Variants in UGGT1 observed in about 807,000 individuals in gnomAD.
UGGT1 encodes UDP-glucose:glycoprotein glucosyltransferase 1.
In UGGT1, 107 loss-of-function variants were observed where a neutral mutation model predicts 203.9. The ratio of observed to expected loss-of-function variants is 0.52; its 90% CI spans 0.45 to 0.62. The LOEUF (loss-of-function observed/expected upper bound fraction) is 0.62, where lower values mean the gene tolerates loss of function less well. Ranked by LOEUF, UGGT1 falls within the 20% of genes least tolerant of loss-of-function variation. UGGT1 has a pLI of 0.00. For missense variants in UGGT1, 1,673 were observed against 1,867.2 expected, an observed-to-expected ratio of 0.90 and a Z score of 1.92; for synonymous variants, 628 against 653.5, an observed-to-expected ratio of 0.96 and a Z score of 0.59.
chr2:128,091,936 C>G (rs949784076), intron 1 of UGGT1, among the ~76,000 whole-genome samples: 1 of 152,180 alleles, frequency 6.6e-6, no homozygotes, highest in Non-Finnish European at 1.5e-5. Context: ...GATCTGCGTC[C>G]GTCGCCAATA....
At chr2:128,133,858 G>A (rs1295637107) in intron 14 of UGGT1, among the ~76,000 whole-genome samples, 1 of 151,496 alleles carries the variant, frequency 6.6e-6, no homozygotes, top group Non-Finnish European at 1.5e-5. Context: ...ATTCCTTCTT[G>A]CACTGCTTTA....
At chr2:128,122,273 C>G (rs890802489) in intron 10 of UGGT1, among the ~76,000 whole-genome samples, 23 of 151,934 alleles carry the variant, frequency 1.5e-4, no homozygotes, top group African/African-American at 4.8e-4. Flanking sequence ...TGGCTCACAC[C>G]TGTAATACCA....
chr2:128,189,653 A>T lies in UGGT1; in HGVS notation c.4643-64A>T, dbSNP rs1297569603. ...TAGGTTCCAGTGATGAAAAATGCCC[A>T]CTCAGTGGTGTTTGTAATTTGAAGA... On this transcript the variant is annotated intron_variant, in intron 40 of 40. Transcript: ENST00000259253. 3 of 1,554,068 alleles carry T rather than the reference A, an allele frequency of 1.9e-6. No homozygotes were observed. The East Asian group carries it at 6.8e-5, about 35-fold the overall frequency.
chr2:128,159,439 A>G (rs1329448877), intron 22 of UGGT1, 75 bp from the exon 23 acceptor site: 33 of 1,333,234 alleles, frequency 2.5e-5, no homozygotes, highest in Non-Finnish European at 3.5e-5. Context: ...CTTATTGAAC[A>G]TGACTGATGT....
In UGGT1 at chr2:128,164,808, T is replaced by C; in HGVS notation, c.2904T>C (p.Phe968=). The part of the protein sequence containing the change: ...PKGDPRIEYQ[F]FEDRHSAIKL... ...GAGATCCAAGAATCGAGTACCAGTT[T>C]TTTGAAGACAGACACAGGTATAGAA... The change falls in exon 26 of 41, where the codon TTT becomes TTC. Residue 968 remains phenylalanine (F), a synonymous_variant. Transcript: ENST00000259253. 1.1e-5 allele frequency: 18 copies of C among 1,606,862 alleles called. No individual in the cohort carries two copies. Among genetic ancestry groups the C allele is most frequent in the Non-Finnish European group, 1.5e-5 (18 of 1,177,804 alleles).
chr2:128,127,070 C>T (rs1264769664), intron 11 of UGGT1, among the ~76,000 whole-genome samples: 2 of 152,118 alleles, frequency 1.3e-5, no homozygotes, highest in East Asian at 3.9e-4. Flanking sequence ...GGAAGAAATT[C>T]CAGTTCACAA....
intron 9 of UGGT1, among the ~76,000 whole-genome samples, chr2:128,120,791 T>C (rs112938921): frequency 9.5e-4 from 145 of 152,340 alleles, no homozygotes; most frequent in Middle Eastern, 3.4e-3. Flanking sequence ...AGACATGTCA[T>C]TGTGGCAGGA....
chr2:128,111,472 G>T (rs1687845796), intron 5 of UGGT1, among the ~76,000 whole-genome samples: 1 of 152,070 alleles, frequency 6.6e-6, no homozygotes, highest in African/African-American at 2.4e-5. Flanking sequence ...TGTGCTTTTT[G>T]CATTATTTAT....
At chr2:128,168,690 A>G (rs1690920572) in intron 26 of UGGT1, among the ~76,000 whole-genome samples, 1 of 152,192 alleles carries the variant, frequency 6.6e-6, no homozygotes, top group Non-Finnish European at 1.5e-5. Flanking sequence ...TGCTCCTTTT[A>G]AGTCACCAGT....
chr2:128,120,396 A>G lies in UGGT1; in HGVS notation c.913A>G (p.Arg305Gly). The G allele has an allele frequency of 6.2e-7, 1 of 1,614,126 alleles. No homozygotes were observed. The highest frequency in any genetic ancestry group is 8.5e-7 in the Non-Finnish European group (1 of 1,180,010). ...PDLEGQLKEL[R>G]KHLVESTNEM... is the part of the protein sequence containing the mutation. ...CCTGGAGGGACAGTTGAAAGAACTCAGAAAGCATCTTGTAGAGAGCACCAA... is the reference window on the plus strand; with the variant it reads ...CCTGGAGGGACAGTTGAAAGAACTCGGAAAGCATCTTGTAGAGAGCACCAA... Residue 305 changes from arginine (R) to glycine (G), a missense_variant, in exon 9 of 41, where the codon AGA becomes GGA. Physicochemically the swap from Arg to Gly is moderately radical, Grantham distance 125 (BLOSUM62 -2). Transcript: ENST00000259253.
intron 34 of UGGT1, 34 bp downstream of exon 34, chr2:128,178,603 G>T (rs1189472074): frequency 7.7e-7 from 1 of 1,296,496 alleles, no homozygotes; most frequent in Admixed American, 1.9e-5. Context: ...TATATATGAT[G>T]AATGAATTGG....
chr2:128,165,772 A>G (rs13399924), intron 26 of UGGT1, among the ~76,000 whole-genome samples: 3 of 142,574 alleles, frequency 2.1e-5, no homozygotes, highest in Admixed American at 1.4e-4. Flanking sequence ...AACTTTTTTT[A>G]AAAAAAAAAA....
intron 37 of UGGT1, among the ~76,000 whole-genome samples, chr2:128,183,077 T>C (rs1386766027): frequency 1.3e-5 from 2 of 152,234 alleles, no homozygotes; most frequent in Non-Finnish European, 2.9e-5. Context: ...ATTTTTCATA[T>C]CTCATATATT....
chr2:128,180,849 C>G, intron 35 of UGGT1, 41 bp from the exon 36 acceptor site: 6 of 1,577,838 alleles, frequency 3.8e-6, no homozygotes, highest in Non-Finnish European at 5.2e-6. Flanking sequence ...TTTTCTTAAT[C>G]AGAAGAAATG....
chr2:128,159,280 T>C lies in UGGT1; in HGVS notation c.2356-234T>C, dbSNP rs536011734. On this transcript the variant is annotated intron_variant, in intron 22 of 40. Coordinates refer to ENST00000259253, the MANE Select transcript of UGGT1 (RefSeq NM_020120.4). ...ATGCCTGGCTAATCTTTTGTATTTT[T>C]AGTAGAGACAGAGTTTCACTCTGTT... Among the ~76,000 whole-genome samples, 46 of 151,834 alleles carry C rather than the reference T, an allele frequency of 3.0e-4. 1 individual carries two copies. Among genetic ancestry groups the C allele is most frequent in the Non-Finnish European group, 5.3e-4 (36 of 67,910 alleles).
At position 128,129,058 on chromosome 2, in the gene UGGT1, G is replaced by A. The variant is rs771562188; in HGVS notation, c.1256G>A (p.Arg419Gln). The stretch of plus-strand genomic sequence containing the variant: ...TTTGATGTGTTGAGGAATGAAGCTC[G>A]GGTAATGGAGGGTCTGCATAGATTG... ...SLFDVLRNEA[R>Q]VMEGLHRLGI... is the part of the protein sequence containing the mutation. Residue 419 changes from arginine to glutamine, a missense_variant, in exon 13 of 41, where the codon CGG becomes CAG. This residue lies in a region of UGGT1 where 1,073 missense variants were observed against 1,078.7 expected (regional missense o/e 0.99). Coordinates refer to ENST00000259253, the MANE Select transcript of UGGT1 (RefSeq NM_020120.4). 12 of 1,611,008 alleles carry A rather than the reference G, an allele frequency of 7.4e-6. No individual in the cohort carries two copies. The highest frequency in any genetic ancestry group is 9.3e-6 in the Non-Finnish European group (11 of 1,179,200).
chr2:128,181,832 G>A (rs116821366), intron 36 of UGGT1, among the ~76,000 whole-genome samples: 107 of 152,330 alleles, frequency 7.0e-4, no homozygotes, highest in South Asian at 1.9e-3. Context: ...TGTGAGATAG[G>A]TACTGTCATT....
intron 12 of UGGT1, among the ~76,000 whole-genome samples, 183 bp downstream of exon 12, chr2:128,127,635 A>T (rs1180020003): frequency 6.6e-6 from 1 of 152,130 alleles, no homozygotes; most frequent in African/African-American, 2.4e-5. Context: ...ACATATCTCC[A>T]TCTTGTGTTA....
intron 10 of UGGT1, among the ~76,000 whole-genome samples, chr2:128,122,846 A>T (rs1159444098): frequency 6.6e-6 from 1 of 152,236 alleles, no homozygotes; most frequent in African/African-American, 2.4e-5. Flanking sequence ...CTTAAGTGGG[A>T]AGAGCAATCT....
Sources: allele counts gnomAD v4.1 joint callset (sites outside exome capture counted in the v4.1 genomes callset), GRCh38; gene constraint gnomAD v4.1.1; regional missense constraint gnomAD v4.1.1; transcripts MANE v1.5; gene names NCBI Gene and HGNC (gene_info 2026-07-23, HGNC 2026-07-21).